Variants in MID1 observed in about 807,000 individuals in gnomAD.
MID1 encodes E3 ubiquitin-protein ligase Midline-1.
MID1 carries 7 observed loss-of-function variants against 40.4 expected under a neutral mutation model. The observed-to-expected ratio is 0.17, with a 90% CI of 0.10 to 0.33. MID1 has a LOEUF of 0.33. Ranked by LOEUF, MID1 falls within the 10% of genes least tolerant of loss-of-function variation. The pLI, the probability that MID1 is intolerant of heterozygous loss-of-function variation, is 1.00. For missense variants in MID1, 367 were observed against 558.5 expected (o/e 0.66, Z 3.46); for synonymous variants, 229 against 221.2 (o/e 1.04, Z -0.31).
intron 1 of MID1, among the ~76,000 whole-genome samples, chrX:10,721,328 G>C (rs773243020): frequency 1.8e-5 from 2 of 111,049 alleles, no homozygotes; most frequent in African/African-American, 3.3e-5. Flanking sequence ...ATCAGAACTA[G>C]AGGTCAACTT....
chrX:10,620,848 G>A (rs909557607), upstream of MID1, among the ~76,000 whole-genome samples: 1 of 112,250 alleles, frequency 8.9e-6, no homozygotes, highest in African/African-American at 3.2e-5. Context: ...CTCCCTAACA[G>A]CATTAAAACA....
At chrX:10,553,059 C>G (rs1476149095) in intron 2 of MID1, among the ~76,000 whole-genome samples, 1 of 110,085 alleles carries the variant, frequency 9.1e-6, no homozygotes, top group Non-Finnish European at 1.9e-5. Context: ...ATCAGCCTGG[C>G]CAACCTGGCG....
intron 1 of MID1, among the ~76,000 whole-genome samples, chrX:10,637,848 G>A (rs1432262984): frequency 1.8e-5 from 2 of 111,623 alleles, no homozygotes; most frequent in African/African-American, 6.5e-5. Context: ...CTGGACAAAT[G>A]TGCCACCATT....
At chrX:10,529,673 G>T (rs962717527) in intron 2 of MID1, among the ~76,000 whole-genome samples, 2 of 111,635 alleles carry the variant, frequency 1.8e-5, no homozygotes, top group Non-Finnish European at 3.8e-5. Flanking sequence ...ATCCAGGCTT[G>T]TTTCTGGGTC....
intron 4 of MID1, among the ~76,000 whole-genome samples, chrX:10,489,916 C>T (rs909204738): frequency 3.6e-5 from 4 of 110,730 alleles, no homozygotes; most frequent in Admixed American, 9.6e-5. Flanking sequence ...AGGATGGTCT[C>T]GATCTCCTGA....
At chrX:10,781,110 GGA>G (rs1487139328) in intron 1 of MID1, among the ~76,000 whole-genome samples, 1 of 111,763 alleles carries the variant, frequency 8.9e-6, no homozygotes, top group Non-Finnish European at 1.9e-5. Flanking sequence ...TAAGTGAAGG[GGA>G]AAAAGAGAAT....
At chrX:10,621,085 C>A (rs1297309689), upstream of MID1, among the ~76,000 whole-genome samples, 1 of 112,069 alleles carries the variant, frequency 8.9e-6, no homozygotes, top group African/African-American at 3.2e-5. Flanking sequence ...AAAAATAAAT[C>A]TTAATGGGAA....
rs375668839 is a variant in MID1, at chrX:10,523,193, CAAAAAAA to C, written c.661-13_661-7del. The C allele has an allele frequency of 6.4e-6, 5 of 786,412 alleles. No individual in the cohort carries two copies. The highest frequency in any genetic ancestry group is 8.6e-6 in the Non-Finnish European group (5 of 583,703). 64.8% of individuals were successfully genotyped at this position (786,412 alleles called of 1,213,427 possible). A position where few individuals can be genotyped will look rare whatever the true frequency, so the allele number is the denominator to read the frequency against. On this transcript the variant is annotated splice_region_variant and splice_polypyrimidine_tract_variant and intron_variant, in intron 2 of 9. Coordinates refer to ENST00000317552, the MANE Select transcript of MID1 (RefSeq NM_000381.4). ...AGGTTACTCTCTAAGTTTTGCTGTT[CAAAAAAA>C]AAAAAAAAAGAGGAAAAATATTATT... is the stretch of plus-strand genomic sequence containing the variant.
At chrX:10,519,395 G>T (rs768371913) in intron 3 of MID1, among the ~76,000 whole-genome samples, 1 of 111,427 alleles carries the variant, frequency 9.0e-6, no homozygotes, top group South Asian at 3.7e-4. Flanking sequence ...TATTTCCAAT[G>T]TTGTTTAATC....
chrX:10,644,036 A>G (rs1034164909), intron 1 of MID1, among the ~76,000 whole-genome samples: 5 of 111,337 alleles, frequency 4.5e-5, no homozygotes, highest in Admixed American at 9.6e-5. Flanking sequence ...GGATAGCATT[A>G]GGAGATATAC....
intron 1 of MID1, among the ~76,000 whole-genome samples, chrX:10,823,491 A>T (rs190956151): frequency 5.8e-4 from 65 of 111,665 alleles, no homozygotes; most frequent in African/African-American, 2.0e-3. Flanking sequence ...AAAGTTAAAG[A>T]TTAAAAAGAA....
At chrX:10,680,576 T>C (rs912200402) in intron 1 of MID1, among the ~76,000 whole-genome samples, 3 of 112,030 alleles carry the variant, frequency 2.7e-5, no homozygotes, top group African/African-American at 9.7e-5. Context: ...ATGGAATTTG[T>C]AGTGATTGAT....
At chrX:10,513,147 A>G (rs1222242779) in intron 3 of MID1, among the ~76,000 whole-genome samples, 2 of 112,651 alleles carry the variant, frequency 1.8e-5, no homozygotes, top group East Asian at 5.5e-4. Flanking sequence ...CAACCGAATC[A>G]GGTAAAAAAT....
chrX:10,478,707 T>C (rs985737368), intron 5 of MID1, among the ~76,000 whole-genome samples: 1 of 112,252 alleles, frequency 8.9e-6, no homozygotes, highest in Non-Finnish European at 1.9e-5. Context: ...TCTCCCCTTT[T>C]GGAGTTGTTT....
chrX:10,639,531 C>T (rs1469778931), intron 1 of MID1, among the ~76,000 whole-genome samples: 6 of 111,901 alleles, frequency 5.4e-5, no homozygotes, highest in East Asian at 5.6e-4. Flanking sequence ...ACCAAATCTA[C>T]GTCGGATTGG....
At chrX:10,473,349 C>A (rs1929816963) in intron 6 of MID1, among the ~76,000 whole-genome samples, 1 of 111,921 alleles carries the variant, frequency 8.9e-6, no homozygotes, top group Admixed American at 9.5e-5. Context: ...CTTTTTTAGT[C>A]AATTTCTTTC....
At chrX:10,818,739 A>G (rs1357289347) in intron 1 of MID1, among the ~76,000 whole-genome samples, 2 of 112,342 alleles carry the variant, frequency 1.8e-5, no homozygotes, top group Non-Finnish European at 3.8e-5. Flanking sequence ...GGATGATATT[A>G]GCCAGCATTT....
intron 1 of MID1, among the ~76,000 whole-genome samples, chrX:10,590,931 G>C (rs114843141): frequency 0.065 from 7,215 of 111,422 alleles, 203 homozygotes; most frequent in Middle Eastern, 0.097. Flanking sequence ...AAGGAAAAAA[G>C]TTTCATTTTA....
intron 1 of MID1, among the ~76,000 whole-genome samples, chrX:10,578,214 T>A (rs1031202359): frequency 1.8e-5 from 2 of 113,011 alleles, no homozygotes; most frequent in Admixed American, 1.9e-4. Context: ...ATAAAAGGAT[T>A]ACTCAATTTC....
Sources: gnomAD v4.1 joint callset for allele counts (sites outside exome capture counted in the v4.1 genomes callset) on GRCh38, gnomAD v4.1.1 for gene constraint, MANE v1.5 for transcripts, NCBI Gene and HGNC (gene_info 2026-07-23, HGNC 2026-07-21) for gene names.